Variants in ARHGEF3 observed in about 807,000 individuals in gnomAD.
ARHGEF3 encodes the protein 59.8 kDA protein.
Under a neutral mutation model 63.2 loss-of-function variants are expected in ARHGEF3, and 28 were observed. The observed-to-expected ratio is 0.44, with a 90% CI of 0.33 to 0.61. The LOEUF is 0.61. Ranked by LOEUF, ARHGEF3 falls within the 20% of genes least tolerant of loss-of-function variation. The probability of loss-of-function intolerance (pLI) is 0.03; values close to 1 mark genes in which losing one functional copy is unlikely to be tolerated. For synonymous variants in ARHGEF3, 266 were observed against 254.2 expected (o/e 1.05, Z -0.44); for missense variants, 533 against 659.3 (o/e 0.81, Z 2.10).
In ARHGEF3 at chr3:57,026,031, C is replaced by T. The variant is rs565450528; in HGVS notation, c.62+9057G>A. 2.6e-5 allele frequency among the ~76,000 whole-genome samples: 4 copies of T among 152,268 alleles called. No individual in the cohort carries two copies. In the East Asian group the frequency reaches 7.7e-4, roughly 29 times the overall value. On this transcript the variant is annotated intron_variant, in intron 2 of 12. Transcript: ENST00000338458. The stretch of plus-strand genomic sequence containing the variant: ...CCCCCATTCACACCCTAGCAGAATA[C>T]CCCAGACAAAACCAACACTTAAGAT...
At chr3:57,058,885 C>G (rs889174772) in intron 1 of ARHGEF3, among the ~76,000 whole-genome samples, 1 of 151,028 alleles carries the variant, frequency 6.6e-6, no homozygotes, top group Admixed American at 6.6e-5. Context: ...AGCAAACTAT[C>G]GCAAGGACAA....
rs556395596 is a variant in ARHGEF3 at position 56,864,054 on chromosome 3, C to A, written c.192+18238G>T. 2.6e-5 allele frequency among the ~76,000 whole-genome samples: 4 copies of A among 152,296 alleles called. No homozygotes were observed. The South Asian group carries it at 8.3e-4, about 32-fold the overall frequency. Reference sequence around the variant, plus strand: ...CCTACAGACAGCTAAGCCAGGACACCACCATCTCTCATCAGAAAACTAAGG... The same window carrying A: ...CCTACAGACAGCTAAGCCAGGACACAACCATCTCTCATCAGAAAACTAAGG... On this transcript the variant is annotated intron_variant, in intron 4 of 12. Transcript: ENST00000338458.
intron 1 of ARHGEF3, among the ~76,000 whole-genome samples, chr3:56,796,007 C>G (rs1355761270): frequency 6.6e-6 from 1 of 151,590 alleles, no homozygotes; most frequent in Non-Finnish European, 1.5e-5. Context: ...CAATAGAAAC[C>G]ACTGGCTTTC....
intron 1 of ARHGEF3, among the ~76,000 whole-genome samples, chr3:56,801,161 C>A (rs994147813): frequency 8.5e-5 from 13 of 152,256 alleles, no homozygotes; most frequent in Admixed American, 7.2e-4. Context: ...CTGAATGACC[C>A]TCACTGGCCA....
chr3:56,829,355 C>A (rs567494866), intron 4 of ARHGEF3, among the ~76,000 whole-genome samples: 1 of 152,156 alleles, frequency 6.6e-6, no homozygotes, highest in Non-Finnish European at 1.5e-5. Context: ...GAGGGCTTTT[C>A]TCACCTCCTG....
chr3:56,741,320 G>A (rs1288101779), intron 7 of ARHGEF3, among the ~76,000 whole-genome samples: 1 of 150,802 alleles, frequency 6.6e-6, no homozygotes, highest in East Asian at 1.9e-4. Flanking sequence ...CGTGTAGCTG[G>A]GATTACAGGC....
chr3:57,014,006 G>C (rs1441898532), intron 2 of ARHGEF3, among the ~76,000 whole-genome samples: 1 of 152,144 alleles, frequency 6.6e-6, no homozygotes, highest in Non-Finnish European at 1.5e-5. Flanking sequence ...TCACTCTTTG[G>C]ATCTGCACTG....
intron 2 of ARHGEF3, among the ~76,000 whole-genome samples, chr3:57,000,335 C>T (rs892234812): frequency 2.6e-5 from 4 of 151,416 alleles, no homozygotes; most frequent in Admixed American, 1.3e-4. Context: ...CACACACACA[C>T]ACACACACCT....
At chr3:56,979,893 C>A (rs1242273194) in intron 2 of ARHGEF3, among the ~76,000 whole-genome samples, 2 of 152,152 alleles carry the variant, frequency 1.3e-5, no homozygotes, top group African/African-American at 2.4e-5. Context: ...GCATCCTGTG[C>A]AGCTCTTATT....
intron 4 of ARHGEF3, among the ~76,000 whole-genome samples, chr3:56,874,458 T>A (rs1048949488): frequency 6.6e-6 from 1 of 152,208 alleles, no homozygotes; most frequent in South Asian, 2.1e-4. Flanking sequence ...GTATCTTTTT[T>A]AATTATCTGG....
intron 1 of ARHGEF3, among the ~76,000 whole-genome samples, chr3:57,073,146 G>C (rs1706020145): frequency 6.6e-6 from 1 of 152,172 alleles, no homozygotes. Flanking sequence ...ACCCATGCCT[G>C]TGTGAGTAAA....
chr3:56,995,620 CGAGAGAGAGAGAGA>C (rs66778716), intron 2 of ARHGEF3, among the ~76,000 whole-genome samples: 7,159 of 113,178 alleles, frequency 0.063, 249 homozygotes, highest in East Asian at 0.088. Context: ...GTAAATTTTC[CGAGAGAGAGAGAGA>C]GAGAGAGAGA....
intron 2 of ARHGEF3, among the ~76,000 whole-genome samples, chr3:56,976,047 T>C (rs1701112453): frequency 6.6e-6 from 1 of 152,140 alleles, no homozygotes; most frequent in Non-Finnish European, 1.5e-5. Flanking sequence ...AGGTGTTTTT[T>C]GTTGTTGTTG....
In ARHGEF3 at chr3:56,956,089, A is replaced by C. The variant is rs543130971; in HGVS notation, c.129+2734T>G. Among the ~76,000 whole-genome samples the C allele has an allele frequency of 2.9e-4, 44 of 152,308 alleles. No homozygotes were observed. In the South Asian group the frequency reaches 6.8e-3, roughly 24 times the overall value. On this transcript the variant is annotated intron_variant, in intron 3 of 12. Coordinates refer to the ARHGEF3 transcript ENST00000338458. Reference sequence around the variant, plus strand: ...AACATCACAAATGGCCTAATCACCTAACTGACAACTTTTGCTGTTTGGGAA... The same window carrying C: ...AACATCACAAATGGCCTAATCACCTCACTGACAACTTTTGCTGTTTGGGAA...
intron 4 of ARHGEF3, among the ~76,000 whole-genome samples, chr3:56,829,884 A>G (rs904598065): frequency 6.6e-6 from 1 of 152,208 alleles, no homozygotes; most frequent in Non-Finnish European, 1.5e-5. Context: ...GGACTTTAGC[A>G]AAGTTCACCA....
chr3:56,967,551 AC>A, intron 2 of ARHGEF3, among the ~76,000 whole-genome samples: 1 of 90,536 alleles, frequency 1.1e-5, no homozygotes, highest in Non-Finnish European at 1.9e-5. Flanking sequence ...CATATTATGT[AC>A]ATTATATAAT....
At chr3:56,827,203 A>G (rs1049216671) in intron 4 of ARHGEF3, among the ~76,000 whole-genome samples, 14 of 152,368 alleles carry the variant, frequency 9.2e-5, no homozygotes, top group African/African-American at 3.1e-4. Context: ...CAAACTGGGA[A>G]AATATAGTTA....
intron 4 of ARHGEF3, among the ~76,000 whole-genome samples, chr3:56,859,513 T>C (rs2039995225): frequency 6.6e-6 from 1 of 150,440 alleles, no homozygotes; most frequent in Non-Finnish European, 1.5e-5. Flanking sequence ...CCCACATCCC[T>C]CTTGCCACCC....
In ARHGEF3 at chr3:56,737,166, A is replaced by G. The variant is rs1365906120; in HGVS notation, c.1041+19T>C. The G allele has an allele frequency of 6.2e-7, 1 of 1,606,204 alleles. No homozygotes were observed. Among genetic ancestry groups the G allele is most frequent in the South Asian group, 1.1e-5 (1 of 90,536 alleles). Reference sequence around the variant, plus strand: ...ATACGGGAGGCGGATAAGACTGCTTAAAGGGAGTAACTACTTACCACGCCC... The same window carrying G: ...ATACGGGAGGCGGATAAGACTGCTTGAAGGGAGTAACTACTTACCACGCCC... On this transcript the variant is annotated intron_variant, in intron 8 of 9. Coordinates refer to ENST00000296315, the MANE Select transcript of ARHGEF3 (RefSeq NM_019555.3).
Sources: gnomAD v4.1 joint callset for allele counts (sites outside exome capture counted in the v4.1 genomes callset) on GRCh38, gnomAD v4.1.1 for gene constraint, MANE v1.5 for transcripts, NCBI Gene and HGNC (gene_info 2026-07-23, HGNC 2026-07-21) for gene names.